The following AK5 variants were observed in gnomAD, a reference collection of about 807,000 sequenced individuals.
The protein encoded by AK5 is adenylate kinase 5.
A neutral mutation model predicts 69.5 loss-of-function variants in AK5; 27 were observed. That is an observed-to-expected ratio of 0.39 (90% CI 0.29 to 0.54). AK5 has a LOEUF of 0.54. Among genes scored for constraint, AK5 ranks in the 20% least tolerant of loss-of-function variants. AK5 has a pLI of 0.71. For missense variants in AK5, 531 were observed against 700.4 expected (o/e 0.76, Z 2.73); for synonymous variants, 260 against 244.4 (o/e 1.06, Z -0.60).
chr1:77,329,648 C>A (rs1010188288), intron 5 of AK5, among the ~76,000 whole-genome samples: 2 of 152,204 alleles, frequency 1.3e-5, no homozygotes, highest in African/African-American at 4.8e-5. Flanking sequence ...CAAAACCATT[C>A]CTTTGCTGTG....
chr1:77,531,984 G>A (rs1016280401), intron 12 of AK5: 9 of 112,998 alleles, frequency 8.0e-5, no homozygotes, highest in East Asian at 5.9e-4. Flanking sequence ...CACTGCCTGC[G>A]GCCATCCGGC....
intron 10 of AK5, among the ~76,000 whole-genome samples, chr1:77,495,303 G>A (rs1369276507): frequency 6.6e-6 from 1 of 152,204 alleles, no homozygotes; most frequent in African/African-American, 2.4e-5. Flanking sequence ...AAACCAAAAT[G>A]TAGGTGAAGT....
rs116769415 is a variant in AK5, at chr1:77,359,789, T to A, written c.891+19221T>A. On this transcript the variant is annotated intron_variant, in intron 6 of 13. Transcript: ENST00000354567. ...CTTTACTTCACATTATTTATTTGGTTTCACAGTATGTCAAACAGCTGTCAA... is the reference window on the plus strand; with the variant it reads ...CTTTACTTCACATTATTTATTTGGTATCACAGTATGTCAAACAGCTGTCAA... 5.3e-3 allele frequency among the ~76,000 whole-genome samples: 800 copies of A among 152,328 alleles called. 6 individuals are homozygous for A. Among genetic ancestry groups the A allele is most frequent in the African/African-American group, 0.018 (739 of 41,576 alleles).
chr1:77,369,649 C>T (rs1557537065), intron 6 of AK5, among the ~76,000 whole-genome samples: 1 of 151,942 alleles, frequency 6.6e-6, no homozygotes, highest in Non-Finnish European at 1.5e-5. Context: ...GACCATACTT[C>T]CTTTTGCATT....
chr1:77,511,908 G>A (rs1007441255), intron 10 of AK5, among the ~76,000 whole-genome samples: 12 of 152,188 alleles, frequency 7.9e-5, no homozygotes, highest in African/African-American at 2.9e-4. Flanking sequence ...CAAGGAACAA[G>A]TTGAGAAGTG....
intron 1 of AK5, among the ~76,000 whole-genome samples, chr1:77,284,672 T>C (rs1658250195): frequency 6.6e-6 from 1 of 152,206 alleles, no homozygotes; most frequent in Non-Finnish European, 1.5e-5. Flanking sequence ...ACAGCAGAGA[T>C]TTGGCAATCA....
chr1:77,508,256 GTCCACT>G (rs1012254410), intron 10 of AK5, among the ~76,000 whole-genome samples: 4 of 151,990 alleles, frequency 2.6e-5, no homozygotes, highest in Non-Finnish European at 5.9e-5. Flanking sequence ...TCTTTTTCCT[GTCCACT>G]TCCAAGTAAA....
intron 6 of AK5, among the ~76,000 whole-genome samples, chr1:77,363,234 T>C (rs1426874447): frequency 6.6e-6 from 1 of 152,180 alleles, no homozygotes; most frequent in Non-Finnish European, 1.5e-5. Flanking sequence ...TCTATCCTTC[T>C]ATAGGAGTCT....
chr1:77,558,126 C>A (rs1332669471), intron 13 of AK5, among the ~76,000 whole-genome samples: 1 of 152,146 alleles, frequency 6.6e-6, no homozygotes, highest in Non-Finnish European at 1.5e-5. Context: ...CTGGGTGCTT[C>A]CAAGTTTTGT....
intron 13 of AK5, among the ~76,000 whole-genome samples, chr1:77,557,690 A>G (rs1176918135): frequency 1.3e-5 from 2 of 152,036 alleles, no homozygotes; most frequent in African/African-American, 2.4e-5. Context: ...CTATTCCCAA[A>G]TGCTGCAGAA....
intron 13 of AK5, among the ~76,000 whole-genome samples, chr1:77,547,616 T>C (rs4600093): frequency 0.61 from 92,100 of 151,956 alleles, 30,587 homozygotes; most frequent in Non-Finnish European, 0.74. Context: ...TTATGAACTA[T>C]GTATTCAAAA....
Position 77,480,894 on chromosome 1 carries a change from A to G in AK5, c.1060-2423A>G, listed in dbSNP as rs558140187. 7.2e-5 allele frequency among the ~76,000 whole-genome samples: 11 copies of G among 152,334 alleles called. No individual in the cohort carries two copies. In the East Asian group the frequency reaches 2.1e-3, roughly 29 times the overall value. ...AGCAGAGCCTGAGACAAGAATTCTC[A>G]TGCAAGTGCATTATTAGGGAGCCCT... On this transcript the variant is annotated intron_variant, in intron 8 of 13. Transcript: ENST00000354567.
At chr1:77,505,506 T>C (rs548452615) in intron 10 of AK5, among the ~76,000 whole-genome samples, 4 of 152,214 alleles carry the variant, frequency 2.6e-5, no homozygotes, top group Non-Finnish European at 5.9e-5. Flanking sequence ...CTTTTTACTT[T>C]TCTGAATTAT....
At chr1:77,354,289 T>A (rs1024471080) in intron 6 of AK5, among the ~76,000 whole-genome samples, 1 of 152,238 alleles carries the variant, frequency 6.6e-6, no homozygotes, top group Non-Finnish European at 1.5e-5. Context: ...TATTCATTCA[T>A]CAATTTCTTT....
chr1:77,407,737 G>A (rs1649754575), intron 6 of AK5, among the ~76,000 whole-genome samples: 1 of 152,094 alleles, frequency 6.6e-6, no homozygotes, highest in African/African-American at 2.4e-5. Flanking sequence ...CCCGGGTAGT[G>A]AACACAGTAC....
At chr1:77,488,718 GC>G (rs979064012) in intron 10 of AK5, among the ~76,000 whole-genome samples, 3 of 152,118 alleles carry the variant, frequency 2.0e-5, no homozygotes, top group African/African-American at 7.2e-5. Flanking sequence ...GAGAGGGTAG[GC>G]CAGTCTCTCC....
intron 2 of AK5, among the ~76,000 whole-genome samples, chr1:77,290,669 A>G (rs931391719): frequency 6.6e-6 from 1 of 152,244 alleles, no homozygotes; most frequent in African/African-American, 2.4e-5. Flanking sequence ...CTTATATTCA[A>G]CATGTCCAAA....
At chr1:77,285,438 T>C (rs929760351) in intron 1 of AK5, among the ~76,000 whole-genome samples, 8 of 152,200 alleles carry the variant, frequency 5.3e-5, no homozygotes, top group African/African-American at 1.9e-4. Flanking sequence ...ATGTACCTAG[T>C]GAGAATTGCC....
intron 6 of AK5, among the ~76,000 whole-genome samples, chr1:77,376,644 G>T (rs1320296717): frequency 6.6e-6 from 1 of 151,976 alleles, no homozygotes; most frequent in Non-Finnish European, 1.5e-5. Flanking sequence ...GATGAAATAA[G>T]AAATACAGAA....
Sources: allele counts gnomAD v4.1 joint callset (sites outside exome capture counted in the v4.1 genomes callset), GRCh38; gene constraint gnomAD v4.1.1; transcripts MANE v1.5; gene names NCBI Gene and HGNC (gene_info 2026-07-23, HGNC 2026-07-21).